PAK5: variants seen among roughly 807,000 people sequenced by gnomAD.
PAK5 encodes the protein p21 (RAC1) activated kinase 5, also known as serine/threonine-protein kinase PAK 5.
A neutral mutation model predicts 65.9 loss-of-function variants in PAK5; 16 were observed. The ratio of observed to expected loss-of-function variants is 0.24; its 90% confidence interval spans 0.16 to 0.37. The LOEUF is 0.37. PAK5 is among the 10% of genes least tolerant of loss of function. The pLI, the probability that PAK5 is intolerant of heterozygous loss-of-function variation, is 1.00. For synonymous variants in PAK5, 371 were observed against 354.9 expected (o/e 1.05, Z -0.51); for missense variants, 785 against 903.9 (o/e 0.87, Z 1.69).
intron 5 of PAK5, among the ~76,000 whole-genome samples, chr20:9,564,442 A>G (rs2045640367): frequency 6.6e-6 from 1 of 152,228 alleles, no homozygotes; most frequent in Non-Finnish European, 1.5e-5. Flanking sequence ...AGAAATAAAA[A>G]TGGCCTATAA....
At chr20:9,705,868 AG>A (rs1429107112) in intron 2 of PAK5, among the ~76,000 whole-genome samples, 1 of 152,174 alleles carries the variant, frequency 6.6e-6, no homozygotes, top group African/African-American at 2.4e-5. Flanking sequence ...GAACTACAAA[AG>A]TTTCCATTCT....
At chr20:9,785,950 G>A (rs112844142) in intron 1 of PAK5, among the ~76,000 whole-genome samples, 1,887 of 152,098 alleles carry the variant, frequency 0.012, 46 homozygotes, top group African/African-American at 0.039. Flanking sequence ...CTGCCTATCA[G>A]TCAGACACCC....
intron 2 of PAK5, among the ~76,000 whole-genome samples, chr20:9,698,286 G>A (rs1343503545): frequency 6.6e-6 from 1 of 151,978 alleles, no homozygotes; most frequent in African/African-American, 2.4e-5. Context: ...AGTTCAGGGT[G>A]GTAGATACTG....
chr20:9,658,939 T>C (rs927230217), intron 2 of PAK5, among the ~76,000 whole-genome samples: 2 of 152,112 alleles, frequency 1.3e-5, no homozygotes, highest in Admixed American at 6.5e-5. Flanking sequence ...ACTCAAGATA[T>C]CACACTGAGA....
At chr20:9,754,639 T>C (rs980748363) in intron 1 of PAK5, among the ~76,000 whole-genome samples, 1 of 152,174 alleles carries the variant, frequency 6.6e-6, no homozygotes, top group African/African-American at 2.4e-5. Context: ...ATCTTGTCGT[T>C]AATTTGTTAG....
At chr20:9,675,751 G>C (rs1314719054) in intron 2 of PAK5, among the ~76,000 whole-genome samples, 5 of 152,140 alleles carry the variant, frequency 3.3e-5, no homozygotes, top group African/African-American at 1.2e-4. Context: ...TGTTTCTAAA[G>C]AAGAAAGGCA....
intron 1 of PAK5, among the ~76,000 whole-genome samples, chr20:9,725,772 A>T (rs1297482697): frequency 6.6e-6 from 1 of 152,166 alleles, no homozygotes; most frequent in East Asian, 1.9e-4. Context: ...ATCAGTTTAA[A>T]GAGTATTAAA....
chr20:9,749,193 A>G (rs2048545781), intron 1 of PAK5, among the ~76,000 whole-genome samples: 1 of 152,202 alleles, frequency 6.6e-6, no homozygotes, highest in Non-Finnish European at 1.5e-5. Context: ...ATTATTTCAA[A>G]TACTTACTAG....
intron 1 of PAK5, among the ~76,000 whole-genome samples, chr20:9,772,977 T>C (rs2048850576): frequency 6.6e-6 from 1 of 152,170 alleles, no homozygotes; most frequent in Non-Finnish European, 1.5e-5. Flanking sequence ...TTTCAGGAGA[T>C]CTGCTTTTGA....
chr20:9,710,913 AC>A (rs1249627000), intron 2 of PAK5, among the ~76,000 whole-genome samples: 1 of 152,046 alleles, frequency 6.6e-6, no homozygotes, highest in African/African-American at 2.4e-5. Flanking sequence ...TGATCTTCAA[AC>A]CCTACTTGGC....
chr20:9,618,780 C>G (rs139275697), intron 3 of PAK5, among the ~76,000 whole-genome samples: 27 of 151,552 alleles, frequency 1.8e-4, no homozygotes, highest in Non-Finnish European at 3.7e-4. Context: ...TCTATAAGTA[C>G]AAGCAACTTA....
At chr20:9,768,130 C>T (rs1272060521) in intron 1 of PAK5, among the ~76,000 whole-genome samples, 4 of 151,986 alleles carry the variant, frequency 2.6e-5, no homozygotes, top group African/African-American at 4.8e-5. Flanking sequence ...ACTATGGGCA[C>T]GTAATAGTAA....
At chr20:9,641,155 G>C (rs371050678) in intron 3 of PAK5, among the ~76,000 whole-genome samples, 17 of 151,744 alleles carry the variant, frequency 1.1e-4, no homozygotes, top group South Asian at 4.2e-4. Context: ...ACAGAGTTTC[G>C]ACACACAGGT....
intron 4 of PAK5, among the ~76,000 whole-genome samples, chr20:9,575,188 T>A (rs185697153): frequency 9.3e-4 from 139 of 148,704 alleles, no homozygotes; most frequent in African/African-American, 3.1e-3. Flanking sequence ...TTTCTTCCCA[T>A]CCTTTTTGTT....
chr20:9,701,364 G>A (rs2123462615), intron 2 of PAK5, among the ~76,000 whole-genome samples: 1 of 152,292 alleles, frequency 6.6e-6, no homozygotes, highest in Admixed American at 6.5e-5. Flanking sequence ...CATAAATAAG[G>A]AATGTGTGGA....
intron 3 of PAK5, among the ~76,000 whole-genome samples, chr20:9,595,519 A>G (rs1286559201): frequency 1.3e-5 from 2 of 151,770 alleles, no homozygotes; most frequent in Non-Finnish European, 2.9e-5. Flanking sequence ...TCTCTAAGTT[A>G]TATCTCAGAT....
At position 9,556,706 on chromosome 20, in the gene PAK5, T is replaced by A. The variant is rs188796968; in HGVS notation, c.1743+902A>T. On this transcript the variant is annotated intron_variant, in intron 7 of 9. Coordinates refer to ENST00000353224, the MANE Select transcript of PAK5 (RefSeq NM_177990.4). ...TGTGCCCTGGTGTGGCTGATGAGTTTCAGCAGAATCCCTTGCACAGGTTGC... is the reference window on the plus strand; with the variant it reads ...TGTGCCCTGGTGTGGCTGATGAGTTACAGCAGAATCCCTTGCACAGGTTGC... Among the ~76,000 whole-genome samples, 23 of 152,336 alleles carry A rather than the reference T, an allele frequency of 1.5e-4. No homozygotes were observed. The East Asian group carries it at 4.4e-3, about 29-fold the overall frequency.
intron 1 of PAK5, among the ~76,000 whole-genome samples, chr20:9,745,508 A>G (rs191852195): frequency 1.4e-4 from 21 of 152,224 alleles, no homozygotes; most frequent in Admixed American, 1.3e-3. Context: ...CCTATAACTC[A>G]TCTTGGCTAA....
chr20:9,726,182 C>T (rs2048275264), intron 1 of PAK5, among the ~76,000 whole-genome samples: 1 of 152,040 alleles, frequency 6.6e-6, no homozygotes, highest in Non-Finnish European at 1.5e-5. Flanking sequence ...GGTTATTTGT[C>T]ATAAATAAGT....
Sources: allele counts gnomAD v4.1 joint callset (sites outside exome capture counted in the v4.1 genomes callset), GRCh38; gene constraint gnomAD v4.1.1; transcripts MANE v1.5; gene names NCBI Gene and HGNC (gene_info 2026-07-23, HGNC 2026-07-21).